The following NTAN1 variants were observed in gnomAD, a reference collection of about 807,000 sequenced individuals.
The protein encoded by NTAN1 is N-terminal asparagine amidase, also known as protein N-terminal asparagine amidohydrolase.
In NTAN1, 32 loss-of-function variants were observed where a neutral mutation model predicts 41.9. That is an observed-to-expected ratio of 0.76 (90% CI 0.58 to 1.03). The LOEUF is 1.03. Among genes scored for constraint, NTAN1 ranks in the 50% least tolerant of loss-of-function variants. The probability of loss-of-function intolerance (pLI) is 0.00; values close to 1 mark genes in which losing one functional copy is unlikely to be tolerated. For synonymous variants in NTAN1, 140 were observed against 139.5 expected, an observed-to-expected ratio of 1.00 and a Z score of -0.03; for missense variants, 377 against 377.5, an observed-to-expected ratio of 1.00 and a Z score of 0.01.
chr16:15,047,358 T>C, intron 4 of NTAN1, 84 bp downstream of exon 4: 1 of 888,712 alleles, frequency 1.1e-6, no homozygotes, highest in Non-Finnish European at 1.9e-6. Context: ...GCATCCTGTG[T>C]TCCCCTAACA....
chr16:15,050,319 G>T (rs537045339), intron 1 of NTAN1, among the ~76,000 whole-genome samples: 8 of 152,256 alleles, frequency 5.3e-5, no homozygotes, highest in Non-Finnish European at 8.8e-5. Flanking sequence ...TTCCTCAAAT[G>T]TCTAGACAAC....
intron 1 of NTAN1, among the ~76,000 whole-genome samples, chr16:15,053,893 C>T (rs1478234229): frequency 6.6e-6 from 1 of 152,180 alleles, no homozygotes; most frequent in Non-Finnish European, 1.5e-5. Flanking sequence ...GCCTGGGCCA[C>T]AGAACAAAAC....
At position 15,055,902 on chromosome 16, in the gene NTAN1, G is replaced by T; in HGVS notation, c.70C>A (p.Pro24Thr). 1 of 1,230,640 alleles carries T rather than the reference G, an allele frequency of 8.1e-7. No homozygotes were observed. Among genetic ancestry groups the T allele is most frequent in the Non-Finnish European group, 1.0e-6 (1 of 985,978 alleles). 76.2% of individuals were successfully genotyped at this position (1,230,640 alleles called of 1,614,324 possible). Residue 24 changes from proline (P) to threonine (T), a missense_variant, in exon 1 of 10, where the codon CCG (proline) becomes ACG (threonine). Coordinates refer to ENST00000287706, the MANE Select transcript of NTAN1 (RefSeq NM_173474.4). The part of the protein sequence containing the change: ...QSAGDLVRAH[P>T]PLEERARLLR... ...CGCGCCCCACTCACCTCCAAAGGCG[G>T]GTGGGCTCGGACGAGGTCCCCGGCT...
rs781324414 is a variant in NTAN1 at position 15,041,071 on chromosome 16, T to C, written c.538A>G (p.Ile180Val). Residue 180 changes from isoleucine to valine, a missense_variant, in exon 7 of 10, where the codon ATT (isoleucine) becomes GTT (valine). Coordinates refer to ENST00000287706, the MANE Select transcript of NTAN1 (RefSeq NM_173474.4). ...NENHFPVIYGIAVNIKTAEIY... is the reference protein window; with the variant it reads ...NENHFPVIYGVAVNIKTAEIY... ...ACAAAAGATGCACACTACTTACCAA[T>C]GCCATATATTACTGGAAAGTGGTTT... 3 of 1,596,870 alleles carry C rather than the reference T, an allele frequency of 1.9e-6. No homozygotes were observed. The South Asian group carries it at 3.3e-5, about 18-fold the overall frequency.
chr16:15,047,033 C>T (rs1033502607), intron 4 of NTAN1, among the ~76,000 whole-genome samples: 2 of 152,172 alleles, frequency 1.3e-5, no homozygotes, highest in African/African-American at 2.4e-5. Flanking sequence ...TTGGGCCGGG[C>T]TTTCTGTCTA....
At position 15,052,939 on chromosome 16, in the gene NTAN1, T is replaced by A. The variant is rs1597819385; in HGVS notation, c.81+2952A>T. Reference sequence around the variant, plus strand: ...AGATGTTGCAGGACTGGTTACCGAGTACCCAGTGACTGGTTAAGAGTGACT... The same window carrying A: ...AGATGTTGCAGGACTGGTTACCGAGAACCCAGTGACTGGTTAAGAGTGACT... On this transcript the variant is annotated intron_variant, in intron 1 of 9. Transcript: ENST00000287706. Among the ~76,000 whole-genome samples, 3 of 152,272 alleles carry A rather than the reference T, an allele frequency of 2.0e-5. No individual in the cohort carries two copies. The East Asian group carries it at 5.8e-4, about 29-fold the overall frequency.
Position 15,038,623 on chromosome 16 carries a change from A to G in NTAN1, c.704T>C (p.Phe235Ser). Residue 235 changes from phenylalanine to serine, a missense_variant, in exon 9 of 10, where the codon TTT becomes TCT. Phe to Ser is a radical substitution (Grantham distance 155). Transcript: ENST00000287706. ...GTGCAACCAGAAATCCACATGTGGA[A>G]ATGGTGTCCAGGAGTACGGTCCTAT... ...LRIGPYSWTP[F>S]PHVDFWLHQD... 1 of 1,610,402 alleles carries G rather than the reference A, an allele frequency of 6.2e-7. No homozygotes were observed. Among genetic ancestry groups the G allele is most frequent in the Non-Finnish European group, 8.5e-7 (1 of 1,176,722 alleles).
chr16:15,051,055 A>G (rs751334772), intron 1 of NTAN1, among the ~76,000 whole-genome samples: 15 of 152,222 alleles, frequency 9.9e-5, no homozygotes, highest in Admixed American at 2.6e-4. Flanking sequence ...TTAGTTCAGA[A>G]TAACAGGGGA....
At chr16:15,044,660 A>G (rs529338721) in intron 4 of NTAN1, 1 of 542,252 alleles carries the variant, frequency 1.8e-6, no homozygotes, top group Admixed American at 3.3e-5. Context: ...TGCCGCCTCC[A>G]TGCACCAGTG....
At chr16:15,052,142 C>G (rs546530712) in intron 1 of NTAN1, among the ~76,000 whole-genome samples, 4 of 152,262 alleles carry the variant, frequency 2.6e-5, no homozygotes, top group African/African-American at 9.6e-5. Context: ...TGGGGTTCTA[C>G]AAGGCCGCAG....
chr16:15,046,400 G>C (rs1041983963), intron 4 of NTAN1, among the ~76,000 whole-genome samples: 2 of 152,186 alleles, frequency 1.3e-5, no homozygotes, highest in Non-Finnish European at 2.9e-5. Flanking sequence ...ACAGGTGTGT[G>C]AACAGTGGTC....
chr16:15,055,920 C>G lies in NTAN1; in HGVS notation c.52G>C (p.Asp18His), dbSNP rs902106682. Residue 18 changes from aspartate (D) to histidine (H), a missense_variant, in exon 1 of 10, where the codon GAC (aspartate) becomes CAC (histidine). Transcript: ENST00000287706. ...RRVRLPQSAG[D>H]LVRAHPPLEE... ...AAAGGCGGGTGGGCTCGGACGAGGT[C>G]CCCGGCTGACTGCGGCAGCCGCACT... 83 of 1,232,694 alleles carry G rather than the reference C, an allele frequency of 6.7e-5. No homozygotes were observed. Among genetic ancestry groups the G allele is most frequent in the Non-Finnish European group, 7.9e-5 (78 of 987,602 alleles). The allele number at this position is 1,232,694 out of a possible 1,614,324, so 76.4% of individuals were successfully genotyped here.
intron 6 of NTAN1, 70 bp from the exon 7 acceptor site, chr16:15,041,191 TA>T: frequency 1.9e-6 from 2 of 1,048,680 alleles, no homozygotes; most frequent in South Asian, 2.5e-5. Context: ...CTTTGTATAA[TA>T]AAGGCGAAGG....
intron 4 of NTAN1, among the ~76,000 whole-genome samples, chr16:15,046,542 G>A (rs1280700629): frequency 1.3e-5 from 2 of 152,052 alleles, no homozygotes; most frequent in Non-Finnish European, 2.9e-5. Flanking sequence ...GAGGTGCTGT[G>A]GGGGCACCCA....
At chr16:15,038,339 C>A in intron 9 of NTAN1, 129 bp from the exon 10 acceptor site, 1 of 703,456 alleles carries the variant, frequency 1.4e-6, no homozygotes, top group South Asian at 2.1e-5. Flanking sequence ...ATGAGGTGGC[C>A]TGAATTAGTA....
intron 9 of NTAN1, 21 bp from the exon 10 acceptor site, chr16:15,038,231 G>A (rs1212354495): frequency 6.2e-6 from 10 of 1,601,762 alleles, no homozygotes; most frequent in Non-Finnish European, 8.5e-6. Context: ...AAGATGGTGG[G>A]CATTAGAGAA....
intron 9 of NTAN1, 138 bp downstream of exon 9, chr16:15,038,436 G>A: frequency 1.6e-6 from 1 of 630,896 alleles, no homozygotes. Flanking sequence ...AAGTTAAATG[G>A]GGTCTGTCAA....
chr16:15,055,165 T>A (rs1293060654), intron 1 of NTAN1, among the ~76,000 whole-genome samples: 1 of 152,154 alleles, frequency 6.6e-6, no homozygotes, highest in Non-Finnish European at 1.5e-5. Flanking sequence ...ATAGGACGTC[T>A]GCCCCCGCCG....
intron 8 of NTAN1, among the ~76,000 whole-genome samples, chr16:15,039,728 G>C (rs896748234): frequency 1.3e-5 from 2 of 152,062 alleles, no homozygotes; most frequent in African/African-American, 4.8e-5. Context: ...TCGGATGCTG[G>C]GGTTCACACT....
Sources: gnomAD v4.1 joint callset for allele counts (sites outside exome capture counted in the v4.1 genomes callset) on GRCh38, gnomAD v4.1.1 for gene constraint, MANE v1.5 for transcripts, NCBI Gene and HGNC (gene_info 2026-07-23, HGNC 2026-07-21) for gene names.